Variants in DIP2C observed in about 807,000 individuals in gnomAD.
DIP2C encodes DIP2 acetate--CoA ligase C (putative).
DIP2C carries 33 observed loss-of-function variants against 192.4 expected under a neutral mutation model. The observed-to-expected ratio is 0.17, with a 90% CI of 0.13 to 0.23. The LOEUF (loss-of-function observed/expected upper bound fraction) is 0.23. Ranked by LOEUF, DIP2C falls within the 10% of genes least tolerant of loss-of-function variation. The pLI, the probability that DIP2C is intolerant of heterozygous loss-of-function variation, is 1.00. For missense variants in DIP2C, 1,537 were observed against 2,110.1 expected, an observed-to-expected ratio of 0.73 and a Z score of 5.32; for synonymous variants, 979 against 864.1, an observed-to-expected ratio of 1.13 and a Z score of -2.33.
At chr10:451,293 C>G (rs1219847045) in intron 3 of DIP2C, among the ~76,000 whole-genome samples, 1 of 141,102 alleles carries the variant, frequency 7.1e-6, no homozygotes, top group African/African-American at 3.2e-5. Context: ...CCACCTCAAA[C>G]CTCAACACTT....
chr10:574,817 T>A (rs1279002776), intron 1 of DIP2C, among the ~76,000 whole-genome samples: 1 of 152,218 alleles, frequency 6.6e-6, no homozygotes, highest in East Asian at 1.9e-4. Context: ...ACCAGAAGCA[T>A]CGCAACGCGG....
chr10:657,778 A>C (rs1417107525), intron 1 of DIP2C, among the ~76,000 whole-genome samples: 5 of 113,982 alleles, frequency 4.4e-5, no homozygotes, highest in African/African-American at 1.0e-4. Flanking sequence ...GCTTGACCTG[A>C]TGCTGGACCT....
intron 3 of DIP2C, among the ~76,000 whole-genome samples, chr10:448,046 A>G (rs71489248): frequency 4.0e-3 from 233 of 57,690 alleles, no homozygotes; most frequent in Middle Eastern, 0.017. Flanking sequence ...CACACACAGT[A>G]GGGCAGCAGG....
intron 1 of DIP2C, among the ~76,000 whole-genome samples, chr10:541,585 T>C (rs1380328261): frequency 5.4e-3 from 230 of 42,976 alleles, no homozygotes; most frequent in South Asian, 6.6e-3. Flanking sequence ...CTCTCCTGGA[T>C]CCCACAGCGT....
intron 2 of DIP2C, among the ~76,000 whole-genome samples, chr10:474,264 G>T (rs1215206002): frequency 2.0e-5 from 3 of 152,130 alleles, no homozygotes; most frequent in Admixed American, 1.3e-4. Context: ...CGCCACTGTG[G>T]TCATCAACAT....
chr10:464,883 T>C (rs1169103326), intron 3 of DIP2C, among the ~76,000 whole-genome samples: 1 of 151,462 alleles, frequency 6.6e-6, no homozygotes, highest in African/African-American at 2.4e-5. Context: ...TCTGAAATTG[T>C]GGCAATAATC....
chr10:303,521 C>CTT (rs201941178), intron 32 of DIP2C, among the ~76,000 whole-genome samples: 1 of 148,004 alleles, frequency 6.8e-6, no homozygotes, highest in African/African-American at 2.5e-5. Flanking sequence ...AAGTTTTTTA[C>CTT]TTTTTTTTTT....
intron 1 of DIP2C, among the ~76,000 whole-genome samples, chr10:588,183 A>G (rs1271484529): frequency 7.8e-6 from 1 of 128,674 alleles, no homozygotes; most frequent in East Asian, 2.4e-4. Context: ...GACCCTGCGG[A>G]AACCCCACAT....
At chr10:436,040 A>C (rs1284264484) in intron 4 of DIP2C, among the ~76,000 whole-genome samples, 2 of 152,186 alleles carry the variant, frequency 1.3e-5, no homozygotes, top group African/African-American at 4.8e-5. Flanking sequence ...CTATACTTTC[A>C]ATAAGAAATA....
intron 1 of DIP2C, among the ~76,000 whole-genome samples, chr10:598,850 G>A (rs914202194): frequency 6.6e-6 from 1 of 152,208 alleles, no homozygotes; most frequent in African/African-American, 2.4e-5. Context: ...TTGTAACTCT[G>A]CATCAATTAT....
chr10:470,586 G>A (rs757593030), intron 3 of DIP2C, among the ~76,000 whole-genome samples: 7 of 152,298 alleles, frequency 4.6e-5, no homozygotes, highest in South Asian at 2.1e-4. Context: ...ACCACAACCC[G>A]CCATGCTTAT....
intron 31 of DIP2C, among the ~76,000 whole-genome samples, chr10:313,149 G>C (rs529279421): frequency 6.6e-6 from 1 of 152,114 alleles, no homozygotes; most frequent in Non-Finnish European, 1.5e-5. Context: ...TATTGAGGGA[G>C]TATTTAACAA....
At chr10:423,899 T>A (rs1293736125) in intron 4 of DIP2C, among the ~76,000 whole-genome samples, 1 of 152,208 alleles carries the variant, frequency 6.6e-6, no homozygotes, top group Non-Finnish European at 1.5e-5. Context: ...AATTCACCTT[T>A]ACAGTATTTG....
At chr10:306,815 G>C (rs1343966218) in intron 32 of DIP2C, among the ~76,000 whole-genome samples, 1 of 152,180 alleles carries the variant, frequency 6.6e-6, no homozygotes, top group Non-Finnish European at 1.5e-5. Flanking sequence ...GCTCTTCACA[G>C]CATTCCTTTA....
chr10:392,744 ACT>A (rs1963578890), intron 10 of DIP2C, among the ~76,000 whole-genome samples: 1 of 150,692 alleles, frequency 6.6e-6, no homozygotes, highest in African/African-American at 2.4e-5. Flanking sequence ...ACGCGCACAC[ACT>A]CACATACACA....
chr10:372,668 G>C (rs539484954), intron 17 of DIP2C, among the ~76,000 whole-genome samples: 1 of 149,704 alleles, frequency 6.7e-6, no homozygotes, highest in East Asian at 1.9e-4. Flanking sequence ...ATACAGCCAG[G>C]CACAGAAGCG....
chr10:518,650 C>T (rs916939074), intron 1 of DIP2C, among the ~76,000 whole-genome samples: 4 of 152,192 alleles, frequency 2.6e-5, no homozygotes, highest in African/African-American at 9.7e-5. Context: ...ATGCTGCACC[C>T]TCATGCCACC....
intron 32 of DIP2C, among the ~76,000 whole-genome samples, chr10:291,818 C>G (rs985371131): frequency 6.6e-6 from 1 of 152,180 alleles, no homozygotes; most frequent in Non-Finnish European, 1.5e-5. Flanking sequence ...TCAGTTAGAA[C>G]CAGGTTGTAA....
At chr10:378,414 G>C (rs879825629) in intron 17 of DIP2C, among the ~76,000 whole-genome samples, 1 of 152,180 alleles carries the variant, frequency 6.6e-6, no homozygotes, top group South Asian at 2.1e-4. Context: ...CAGACATGAA[G>C]GCATGCATGC....
Sources: gnomAD v4.1 joint callset for allele counts (sites outside exome capture counted in the v4.1 genomes callset) on GRCh38, gnomAD v4.1.1 for gene constraint, MANE v1.5 for transcripts, NCBI Gene and HGNC (gene_info 2026-07-23, HGNC 2026-07-21) for gene names.